The following MAST4 variants were observed in gnomAD, a reference collection of about 807,000 sequenced individuals.
MAST4 encodes the protein microtubule associated serine/threonine kinase family member 4.
MAST4 carries 89 observed loss-of-function variants against 162.7 expected under a neutral mutation model. The observed-to-expected ratio is 0.55, with a 90% CI of 0.46 to 0.65. MAST4 has a LOEUF of 0.65. Ranked by LOEUF, MAST4 falls within the 30% of genes least tolerant of loss-of-function variation. The probability of loss-of-function intolerance (pLI) is 0.00; values close to 1 mark genes in which losing one functional copy is unlikely to be tolerated. For synonymous variants in MAST4, 1,479 were observed against 1,361.1 expected, an observed-to-expected ratio of 1.09 and a Z score of -1.91; for missense variants, 3,153 against 3,374.0, an observed-to-expected ratio of 0.93 and a Z score of 1.62.
At chr5:67,081,380 G>C (rs1762633380) in intron 5 of MAST4, among the ~76,000 whole-genome samples, 1 of 151,862 alleles carries the variant, frequency 6.6e-6, no homozygotes, top group Non-Finnish European at 1.5e-5. Flanking sequence ...AGGTCTTAAT[G>C]CTGTTTTGAG....
Position 67,166,013 on chromosome 5 carries a change from C to G in MAST4, c.6834C>G (p.Asp2278Glu), listed in dbSNP as rs1773895325. The G allele has an allele frequency of 6.2e-7, 1 of 1,613,562 alleles. No homozygotes were observed. The highest frequency in any genetic ancestry group is 1.1e-5 in the South Asian group (1 of 91,076). ...EGGPSVPLHTDRAPLDAKPQP... is the reference protein window; with the variant it reads ...EGGPSVPLHTERAPLDAKPQP... Reference sequence around the variant, plus strand: ...GGCCCTCTGTCCCACTGCACACTGACAGGGCTCCTCTAGACGCCAAGCCAC... The same window carrying G: ...GGCCCTCTGTCCCACTGCACACTGAGAGGGCTCCTCTAGACGCCAAGCCAC... The change falls in exon 29 of 29, where the codon GAC (aspartate) becomes GAG (glutamate). Residue 2278 changes from aspartate to glutamate, a missense_variant. By Grantham distance (45) the Asp-to-Glu change is conservative (BLOSUM62 2). This residue lies in a region of MAST4 where 1,644 missense variants were observed against 1,495.0 expected (regional missense o/e 1.10). Transcript: ENST00000403625.
intron 1 of MAST4, among the ~76,000 whole-genome samples, chr5:66,618,033 TG>T (rs66792189): frequency 0.029 from 4,233 of 143,686 alleles, 127 homozygotes; most frequent in Middle Eastern, 0.074. Context: ...CTGGGAGGAA[TG>T]GGGGGGGGGC....
At chr5:66,830,609 T>A (rs1234233434) in intron 3 of MAST4, among the ~76,000 whole-genome samples, 1 of 152,194 alleles carries the variant, frequency 6.6e-6, no homozygotes, top group East Asian at 1.9e-4. Flanking sequence ...TAAAAGTGCT[T>A]GAAAGTTCTG....
intron 1 of MAST4, among the ~76,000 whole-genome samples, chr5:66,599,368 C>G (rs1336612981): frequency 6.6e-6 from 1 of 152,150 alleles, no homozygotes; most frequent in Non-Finnish European, 1.5e-5. Flanking sequence ...GTGATAAACA[C>G]TCATTTTAGT....
At chr5:67,156,762 G>A (rs756706820) in intron 26 of MAST4, among the ~76,000 whole-genome samples, 3 of 152,182 alleles carry the variant, frequency 2.0e-5, no homozygotes, top group Non-Finnish European at 1.5e-5. Context: ...GGTTGAGGCC[G>A]CAGGGATGCA....
At chr5:67,113,231 G>A (rs963508512) in intron 11 of MAST4, among the ~76,000 whole-genome samples, 1 of 146,102 alleles carries the variant, frequency 6.8e-6, no homozygotes, top group Non-Finnish European at 1.5e-5. Flanking sequence ...GGAGAATGTC[G>A]TGAACCTGGG....
At chr5:66,853,301 T>G (rs1236562839) in intron 3 of MAST4, among the ~76,000 whole-genome samples, 1 of 152,246 alleles carries the variant, frequency 6.6e-6, no homozygotes, top group Non-Finnish European at 1.5e-5. Context: ...TGTGTCTGTG[T>G]GTAGGTCACT....
chr5:67,059,302 C>T (rs767747157), intron 5 of MAST4, among the ~76,000 whole-genome samples: 34 of 152,138 alleles, frequency 2.2e-4, no homozygotes, highest in Non-Finnish European at 3.4e-4. Flanking sequence ...TTAAAAGGCT[C>T]ACTTGGTTGA....
intron 4 of MAST4, among the ~76,000 whole-genome samples, chr5:66,916,716 A>C (rs1185343492): frequency 6.6e-6 from 1 of 152,176 alleles, no homozygotes. Context: ...CCTGTCTTAA[A>C]CAAGATGTTA....
intron 27 of MAST4, 125 bp downstream of exon 27, chr5:67,160,717 C>T: frequency 1.0e-6 from 1 of 976,920 alleles, no homozygotes; most frequent in Non-Finnish European, 1.5e-6. Flanking sequence ...TGTTATGGTT[C>T]ACATATATGT....
At chr5:66,982,012 A>G (rs1179454431) in intron 4 of MAST4, among the ~76,000 whole-genome samples, 1 of 152,172 alleles carries the variant, frequency 6.6e-6, no homozygotes, top group African/African-American at 2.4e-5. Context: ...TGAGGCCTCA[A>G]TTTTGTGGGA....
At chr5:67,052,132 A>G (rs534173590) in intron 4 of MAST4, among the ~76,000 whole-genome samples, 1 of 152,248 alleles carries the variant, frequency 6.6e-6, no homozygotes, top group East Asian at 1.9e-4. Flanking sequence ...TTCTGAGGTA[A>G]TTTGTTTTTA....
In MAST4 at chr5:67,164,966, A is replaced by G; in HGVS notation, c.5787A>G (p.Gln1929=). 6.2e-7 allele frequency: 1 copy of G among 1,613,922 alleles called. No homozygotes were observed. Among genetic ancestry groups the G allele is most frequent in the Non-Finnish European group, 8.5e-7 (1 of 1,179,866 alleles). ...QQREGSSPKH[Q]DHTTDPKLLT... ...GAGAGGGCAGCTCCCCTAAACACCA[A>G]GACCACACCACTGACCCCAAGCTTC... Residue 1929 remains glutamine (Q), a synonymous_variant, in exon 29 of 29, where the codon CAA becomes CAG. Coordinates refer to ENST00000403625, the MANE Select transcript of MAST4 (RefSeq NM_001164664.2). The surrounding 1 kb of genome is among the most constrained non-coding windows in gnomAD (Gnocchi z 5.3).
At chr5:66,931,166 G>A (rs1742151742) in intron 4 of MAST4, among the ~76,000 whole-genome samples, 1 of 152,094 alleles carries the variant, frequency 6.6e-6, no homozygotes, top group South Asian at 2.1e-4. Flanking sequence ...TCTACTGCTT[G>A]GGGAACTGAG....
intron 4 of MAST4, among the ~76,000 whole-genome samples, chr5:66,981,449 G>GA (rs1748822908): frequency 1.3e-5 from 2 of 152,174 alleles, no homozygotes; most frequent in African/African-American, 2.4e-5. Context: ...CTTAGTGGCT[G>GA]AAAACTGTAT....
intron 1 of MAST4, among the ~76,000 whole-genome samples, chr5:66,743,896 G>C (rs1431994374): frequency 1.3e-5 from 2 of 152,132 alleles, no homozygotes; most frequent in Non-Finnish European, 2.9e-5. Context: ...ATTGGTCTTT[G>C]GTTCTACAGT....
intron 4 of MAST4, among the ~76,000 whole-genome samples, chr5:66,951,062 G>C (rs1744621209): frequency 1.3e-5 from 2 of 152,102 alleles, no homozygotes. Context: ...TAAGCACTTG[G>C]GTAATTTTCA....
At chr5:67,048,598 AATT>A (rs950028711) in intron 4 of MAST4, among the ~76,000 whole-genome samples, 1 of 152,168 alleles carries the variant, frequency 6.6e-6, no homozygotes, top group Non-Finnish European at 1.5e-5. Flanking sequence ...ATAGATGCAA[AATT>A]AGTATCTTAT....
rs557291809 is a variant in MAST4, at chr5:66,763,483, AG to A, written c.517+3622del. On this transcript the variant is annotated intron_variant, in intron 2 of 28. Coordinates refer to ENST00000403625, the MANE Select transcript of MAST4 (RefSeq NM_001164664.2). The stretch of plus-strand genomic sequence containing the variant: ...AATTAACCTTAGTTATATATAAAGC[AG>A]TACCATTTATAATAATTAAAATTTC... 5.2e-5 allele frequency among the ~76,000 whole-genome samples: 8 copies of A among 152,384 alleles called. No individual in the cohort carries two copies. In the East Asian group the frequency reaches 1.5e-3, roughly 29 times the overall value.
Sources: allele counts gnomAD v4.1 joint callset (sites outside exome capture counted in the v4.1 genomes callset), GRCh38; gene constraint gnomAD v4.1.1; regional missense constraint gnomAD v4.1.1; non-coding constraint Gnocchi (gnomAD v3.1); transcripts MANE v1.5; gene names NCBI Gene and HGNC (gene_info 2026-07-23, HGNC 2026-07-21).